The following DAB1 variants were observed in gnomAD, a reference collection of about 807,000 sequenced individuals.
DAB1 encodes the protein disabled homolog 1.
Under a neutral mutation model 64.6 loss-of-function variants are expected in DAB1, and 15 were observed. The ratio of observed to expected loss-of-function variants is 0.23; its 90% CI spans 0.16 to 0.36. The LOEUF (loss-of-function observed/expected upper bound fraction) is 0.36. Among genes scored for constraint, DAB1 ranks in the 10% least tolerant of loss-of-function variants. DAB1 has a pLI of 1.00. For missense variants in DAB1, 596 were observed against 706.7 expected, an observed-to-expected ratio of 0.84 and a Z score of 1.78; for synonymous variants, 235 against 251.9, an observed-to-expected ratio of 0.93 and a Z score of 0.64.
intron 2 of DAB1, among the ~76,000 whole-genome samples, chr1:57,194,967 C>T (rs980803308): frequency 1.3e-5 from 2 of 152,186 alleles, no homozygotes; most frequent in Admixed American, 6.5e-5. Context: ...TATATGCTAA[C>T]TAGTAACAGC....
chr1:58,470,667 C>T (rs1266132498), intron 3 of DAB1, among the ~76,000 whole-genome samples: 4 of 152,280 alleles, frequency 2.6e-5, no homozygotes, highest in South Asian at 2.1e-4. Flanking sequence ...TGGGCCCATG[C>T]GGTTCTATTC....
intron 6 of DAB1, among the ~76,000 whole-genome samples, chr1:57,710,407 G>T (rs1276815323): frequency 6.6e-6 from 1 of 152,122 alleles, no homozygotes; most frequent in Admixed American, 6.5e-5. Context: ...TTCACCATCT[G>T]TAACTCAAAA....
chr1:58,240,086 G>A (rs934050161), intron 4 of DAB1, among the ~76,000 whole-genome samples: 10 of 152,080 alleles, frequency 6.6e-5, no homozygotes, highest in African/African-American at 2.4e-4. Context: ...CAAACCCAGG[G>A]AACACCAGAA....
chr1:57,821,872 C>A (rs1050317843), downstream of DAB1, among the ~76,000 whole-genome samples: 9 of 152,212 alleles, frequency 5.9e-5, no homozygotes, highest in Admixed American at 4.6e-4. Context: ...TGAGCCCCTG[C>A]ATGTGCATGG....
intron 4 of DAB1, among the ~76,000 whole-genome samples, chr1:58,315,651 A>G (rs942530164): frequency 2.6e-5 from 4 of 152,322 alleles, no homozygotes; most frequent in Non-Finnish European, 5.9e-5. Flanking sequence ...TGATGAAGTA[A>G]CTCAGGCTGT....
At chr1:58,248,588 T>C (rs187806622) in intron 4 of DAB1, among the ~76,000 whole-genome samples, 6 of 152,196 alleles carry the variant, frequency 3.9e-5, no homozygotes, top group Admixed American at 3.9e-4. Context: ...TACAAGCAGA[T>C]AGAAGAAGCT....
chr1:57,084,368 G>T (rs904076282), intron 4 of DAB1, among the ~76,000 whole-genome samples: 1 of 152,260 alleles, frequency 6.6e-6, no homozygotes, highest in East Asian at 1.9e-4. Context: ...CTTCTGCACA[G>T]CCCTCAGAAA....
At chr1:57,082,620 A>G (rs1299848300) in intron 4 of DAB1, among the ~76,000 whole-genome samples, 1 of 152,112 alleles carries the variant, frequency 6.6e-6, no homozygotes, top group Admixed American at 6.6e-5. Context: ...GTACTTATCA[A>G]CCCATCACCT....
intron 3 of DAB1, among the ~76,000 whole-genome samples, chr1:58,371,594 G>A (rs1463421308): frequency 6.6e-6 from 1 of 152,200 alleles, no homozygotes; most frequent in Non-Finnish European, 1.5e-5. Flanking sequence ...CAAGATAATG[G>A]GGAAAATGTC....
intron 7 of DAB1, among the ~76,000 whole-genome samples, chr1:57,514,300 C>CCAA (rs1203300316): frequency 1.3e-5 from 2 of 152,184 alleles, no homozygotes; most frequent in Admixed American, 1.3e-4. Flanking sequence ...TGCATTCCCA[C>CCAA]CAACAGTATA....
chr1:58,227,724 G>C (rs191091398), intron 4 of DAB1, among the ~76,000 whole-genome samples: 1 of 152,270 alleles, frequency 6.6e-6, no homozygotes, highest in East Asian at 1.9e-4. Flanking sequence ...AGGGAGAAGA[G>C]AGCTTTGATT....
intron 2 of DAB1, among the ~76,000 whole-genome samples, chr1:57,242,307 C>T (rs915709543): frequency 6.6e-6 from 1 of 152,084 alleles, no homozygotes; most frequent in African/African-American, 2.4e-5. Flanking sequence ...TTTTCAGGTG[C>T]TTTTCTTCTG....
chr1:58,473,739 T>G, intron 3 of DAB1: 2 of 462,412 alleles, frequency 4.3e-6, no homozygotes, highest in Non-Finnish European at 7.6e-6. Context: ...GTTAGGGACT[T>G]GATCTTACCA....
chr1:58,193,581 C>T (rs554273226), intron 4 of DAB1, among the ~76,000 whole-genome samples: 2 of 152,272 alleles, frequency 1.3e-5, no homozygotes, highest in East Asian at 1.9e-4. Context: ...TACGGCCAGG[C>T]GCAGTGGCTC....
At chr1:57,417,144 T>C (rs1274911458) in intron 1 of DAB1, among the ~76,000 whole-genome samples, 1 of 152,148 alleles carries the variant, frequency 6.6e-6, no homozygotes, top group Non-Finnish European at 1.5e-5. Flanking sequence ...CAGAGAAAGG[T>C]TACCAGGAGG....
intron 1 of DAB1, among the ~76,000 whole-genome samples, chr1:57,299,815 G>A (rs1673485640): frequency 6.6e-6 from 1 of 152,200 alleles, no homozygotes; most frequent in African/African-American, 2.4e-5. Context: ...GGTAAATTTA[G>A]ACCTTTAAGC....
intron 1 of DAB1, among the ~76,000 whole-genome samples, chr1:57,828,135 C>T (rs1215497688): frequency 2.6e-5 from 4 of 151,824 alleles, no homozygotes; most frequent in Non-Finnish European, 5.9e-5. Context: ...TTAGTAGAGA[C>T]GGGGTTTCAC....
At chr1:58,208,037 G>A (rs985287267) in intron 4 of DAB1, among the ~76,000 whole-genome samples, 2 of 151,216 alleles carry the variant, frequency 1.3e-5, no homozygotes, top group African/African-American at 2.4e-5. Flanking sequence ...AGTGTAGAGT[G>A]AAAATGAGGG....
chr1:58,152,882 G>A (rs1325729580), intron 4 of DAB1, among the ~76,000 whole-genome samples: 2 of 152,154 alleles, frequency 1.3e-5, no homozygotes, highest in Non-Finnish European at 2.9e-5. Flanking sequence ...TACAGGTGAC[G>A]AAACAAGTGG....
Sources: allele counts gnomAD v4.1 joint callset (sites outside exome capture counted in the v4.1 genomes callset), GRCh38; gene constraint gnomAD v4.1.1; transcripts MANE v1.5; gene names NCBI Gene and HGNC (gene_info 2026-07-23, HGNC 2026-07-21).